Variants in COPZ1 observed in about 807,000 individuals in gnomAD.
COPZ1 encodes the protein coat protein complex I subunit zeta 1, also known as coatomer subunit zeta-1.
Under a neutral mutation model 31.7 loss-of-function variants are expected in COPZ1, and 4 were observed. That is an observed-to-expected ratio of 0.13 (90% confidence interval 0.06 to 0.29). COPZ1 has a LOEUF of 0.29. Among genes scored for constraint, COPZ1 ranks in the 10% least tolerant of loss-of-function variants. COPZ1 has a pLI of 1.00. For synonymous variants in COPZ1, 74 were observed against 79.0 expected (o/e 0.94, Z 0.33); for missense variants, 156 against 211.5 (o/e 0.74, Z 1.63).
chr12:54,342,270 A>T lies in COPZ1; in HGVS notation c.152A>T (p.Lys51Met), dbSNP rs752873339. 1 of 1,613,932 alleles carries T rather than the reference A, an allele frequency of 6.2e-7. No homozygotes were observed. The highest frequency in any genetic ancestry group is 1.1e-5 in the South Asian group (1 of 91,080). ...GCCTTTGAGAAGAACATTTTCAACAAGACCCATCGGACTGACAGTAGGTCA... is the reference window on the plus strand; with the variant it reads ...GCCTTTGAGAAGAACATTTTCAACATGACCCATCGGACTGACAGTAGGTCA... ...QKAFEKNIFN[K>M]THRTDSEIAL... Residue 51 changes from lysine to methionine, a missense_variant, in exon 3 of 9, where the codon AAG becomes ATG. Physicochemically the swap from Lys to Met is moderately conservative, Grantham distance 95. Transcript: ENST00000262061.
At chr12:54,336,536 CA>C (rs141482853) in intron 1 of COPZ1, among the ~76,000 whole-genome samples, 150 of 133,360 alleles carry the variant, frequency 1.1e-3, no homozygotes, top group Admixed American at 9.0e-4. Context: ...GACTCCGTCT[CA>C]AAAAAAAAAA....
intron 2 of COPZ1, 148 bp downstream of exon 2, chr12:54,340,763 C>A: frequency 1.2e-6 from 1 of 862,084 alleles, no homozygotes; most frequent in Non-Finnish European, 1.8e-6. Flanking sequence ...TGGAGTTTCG[C>A]TCTTATCACC....
At chr12:54,337,443 G>T in intron 1 of COPZ1, 1 of 349,712 alleles carries the variant, frequency 2.9e-6, no homozygotes. Flanking sequence ...CTAGTCCATT[G>T]TCCTGGAAGC....
chr12:54,346,792 G>T lies in COPZ1; in HGVS notation c.318-975G>T, dbSNP rs192747330. ...GATTGCTTGAGCCCAGGAGGTTGAG[G>T]CTGCAGTGAGCTGTGATCATGCTAC... On this transcript the variant is annotated intron_variant, in intron 5 of 8. Transcript: ENST00000262061. 1.2e-3 allele frequency: 712 copies of T among 597,730 alleles called. 9 individuals carry two copies. In the African/African-American group the frequency reaches 0.012, roughly 10 times the overall value. 37.0% of individuals were successfully genotyped at this position (597,730 alleles called of 1,614,324 possible).
intron 7 of COPZ1, among the ~76,000 whole-genome samples, chr12:54,349,272 C>T (rs112027872): frequency 6.6e-6 from 1 of 152,282 alleles, no homozygotes; most frequent in African/African-American, 2.4e-5. Context: ...CCTAGTGATA[C>T]TGATATTCAG....
At position 54,350,556 on chromosome 12, in the gene COPZ1, C is replaced by CA. The variant is rs1565598852; in HGVS notation, c.*39dup. On this transcript the variant is annotated 3_prime_UTR_variant, in exon 9 of 9. Transcript: ENST00000262061. The stretch of plus-strand genomic sequence containing the variant: ...ACTGTTCCTGGCTCTTCATCCTCTT[C>CA]AAAAAATTTGCATGTCTGCTGTGAA... 2 of 1,590,554 alleles carry CA rather than the reference C, an allele frequency of 1.3e-6. No homozygotes were observed. The highest frequency in any genetic ancestry group is 1.7e-6 in the Non-Finnish European group (2 of 1,158,568).
intron 1 of COPZ1, among the ~76,000 whole-genome samples, chr12:54,334,585 G>A (rs1161408825): frequency 6.6e-6 from 1 of 152,154 alleles, no homozygotes; most frequent in African/African-American, 2.4e-5. Context: ...TGGGCACGGT[G>A]GCTCATGCCT....
chr12:54,342,187 C>T lies in COPZ1; in HGVS notation c.88-19C>T. 6.3e-7 allele frequency: 1 copy of T among 1,594,666 alleles called. No homozygotes were observed. The highest frequency in any genetic ancestry group is 8.6e-7 in the Non-Finnish European group (1 of 1,162,370). On this transcript the variant is annotated intron_variant, in intron 2 of 8. Coordinates refer to ENST00000262061, the MANE Select transcript of COPZ1 (RefSeq NM_016057.3). ...TCCAGCTCTAGTGACCCAACCCTGT[C>T]TTCTTTCCCTCTGACCAGTACTATG...
intron 1 of COPZ1, among the ~76,000 whole-genome samples, chr12:54,329,304 A>G (rs1324014122): frequency 3.3e-5 from 5 of 151,888 alleles, no homozygotes; most frequent in Non-Finnish European, 7.4e-5. Flanking sequence ...TTTTCTTTAA[A>G]GCTGAATTAC....
chr12:54,328,818 ATTC>A (rs1411782306), intron 1 of COPZ1, among the ~76,000 whole-genome samples: 2 of 152,208 alleles, frequency 1.3e-5, no homozygotes, highest in Non-Finnish European at 1.5e-5. Flanking sequence ...ATCAAAGCAT[ATTC>A]TTCTGTCCTT....
chr12:54,341,980 G>A (rs578008833), intron 2 of COPZ1, among the ~76,000 whole-genome samples: 9 of 152,192 alleles, frequency 5.9e-5, no homozygotes, highest in Non-Finnish European at 1.3e-4. Context: ...GACAGTCTTG[G>A]AAATGTGAGG....
At chr12:54,345,771 C>T (rs1207634735) in intron 5 of COPZ1, among the ~76,000 whole-genome samples, 1 of 151,936 alleles carries the variant, frequency 6.6e-6, no homozygotes, top group Non-Finnish European at 1.5e-5. Context: ...TCCTGGTTAA[C>T]ATGGGGAAAC....
At chr12:54,337,274 A>G (rs1454051147) in intron 1 of COPZ1, 2 of 534,774 alleles carry the variant, frequency 3.7e-6, no homozygotes, top group South Asian at 1.4e-5. Context: ...TGGCTCTCTG[A>G]AAGTCAGTGC....
chr12:54,339,271 A>G (rs1288925586), intron 1 of COPZ1, among the ~76,000 whole-genome samples: 1 of 151,834 alleles, frequency 6.6e-6, no homozygotes, highest in Non-Finnish European at 1.5e-5. Flanking sequence ...AAAAAAAAAA[A>G]AAAAAAGAAA....
At position 54,326,696 on chromosome 12, in the gene COPZ1, A is replaced by G. The variant is rs189485058; in HGVS notation, c.18+1515A>G. On this transcript the variant is annotated intron_variant, in intron 1 of 8. Transcript: ENST00000262061. Reference sequence around the variant, plus strand: ...GTGTGTGTGTAGGTAGGTAGGTAGTATAGTGTAGGAATTTAACTCCCAGCC... The same window carrying G: ...GTGTGTGTGTAGGTAGGTAGGTAGTGTAGTGTAGGAATTTAACTCCCAGCC... Among the ~76,000 whole-genome samples, 121 of 147,184 alleles carry G rather than the reference A, an allele frequency of 8.2e-4. 1 individual carries two copies. Among genetic ancestry groups the G allele is most frequent in the African/African-American group, 2.6e-3 (103 of 39,880 alleles).
At chr12:54,343,875 CTTA>C (rs1954015044) in intron 4 of COPZ1, among the ~76,000 whole-genome samples, 1 of 152,170 alleles carries the variant, frequency 6.6e-6, no homozygotes, top group Admixed American at 6.5e-5. Flanking sequence ...TTACTGAGCT[CTTA>C]TTATTGGTAT....
intron 3 of COPZ1, among the ~76,000 whole-genome samples, chr12:54,343,018 G>A (rs556668060): frequency 1.3e-5 from 2 of 151,876 alleles, no homozygotes; most frequent in South Asian, 2.1e-4. Flanking sequence ...CACCACGCCC[G>A]GCTAATTTTT....
chr12:54,343,046 G>A (rs1360032916), intron 3 of COPZ1, among the ~76,000 whole-genome samples, 179 bp from the exon 4 acceptor site: 4 of 151,868 alleles, frequency 2.6e-5, no homozygotes, highest in Non-Finnish European at 4.4e-5. Context: ...TAGTAGAGAC[G>A]GGGTTTCACT....
chr12:54,334,586 G>T (rs1953821517), intron 1 of COPZ1, among the ~76,000 whole-genome samples: 2 of 152,112 alleles, frequency 1.3e-5, no homozygotes, highest in African/African-American at 4.8e-5. Context: ...GGGCACGGTG[G>T]CTCATGCCTG....
Sources: allele counts gnomAD v4.1 joint callset (sites outside exome capture counted in the v4.1 genomes callset), GRCh38; gene constraint gnomAD v4.1.1; transcripts MANE v1.5; gene names NCBI Gene and HGNC (gene_info 2026-07-23, HGNC 2026-07-21).